The following INPP5D variants were observed in gnomAD, a reference collection of about 807,000 sequenced individuals.
INPP5D encodes the protein inositol polyphosphate-5-phosphatase D.
In INPP5D, 33 loss-of-function variants were observed where a neutral mutation model predicts 122.9. The ratio of observed to expected loss-of-function variants is 0.27; its 90% CI spans 0.20 to 0.36. The LOEUF (loss-of-function observed/expected upper bound fraction) is 0.36. INPP5D is among the 10% of genes least tolerant of loss of function. The pLI is 1.00. For missense variants in INPP5D, 1,053 were observed against 1,412.7 expected, an observed-to-expected ratio of 0.75 and a Z score of 4.08; for synonymous variants, 584 against 576.2, an observed-to-expected ratio of 1.01 and a Z score of -0.19.
chr2:233,204,817 CACGCATGCATATGTGCGTGCATGTGTGA>C lies in INPP5D; in HGVS notation c.3567+111_3567+138del, dbSNP rs1559352008. The C allele has an allele frequency of 6.3e-6, 9 of 1,417,562 alleles. No homozygotes were observed. In the East Asian group the frequency reaches 2.0e-4, roughly 32 times the overall value. 87.8% of individuals were successfully genotyped at this position (1,417,562 alleles called of 1,614,324 possible). On this transcript the variant is annotated intron_variant, in intron 26 of 26. Coordinates refer to ENST00000445964, the MANE Select transcript of INPP5D (RefSeq NM_001017915.3). ...GCATATGTGTGTGCATGTGTGTGTG[CACGCATGCATATGTGCGTGCATGTGTGA>C]ACGCATGCATGTGCACACATGCGAG...
chr2:233,070,466 T>A (rs12620837), intron 1 of INPP5D, among the ~76,000 whole-genome samples: 44,940 of 148,556 alleles, frequency 0.3, 8,827 homozygotes, highest in African/African-American at 0.54. Context: ...TTCGAGATGG[T>A]GTCTCTGTCT....
In INPP5D at chr2:233,203,786, A is replaced by G. The variant is rs563691877; in HGVS notation, c.2976-340A>G. Among the ~76,000 whole-genome samples the G allele has an allele frequency of 2.6e-4, 39 of 152,128 alleles. 1 individual carries two copies. In the South Asian group the frequency reaches 7.5e-3, roughly 29 times the overall value. ...GCCTGGAGGCATTGCTACTCCCAGC[A>G]ATGTCCAGCTACTCCTAGCTACTCC... On this transcript the variant is annotated intron_variant, in intron 25 of 26. Transcript: ENST00000445964.
At chr2:233,132,027 A>G (rs1419046360) in intron 5 of INPP5D, among the ~76,000 whole-genome samples, 1 of 152,240 alleles carries the variant, frequency 6.6e-6, no homozygotes, top group Non-Finnish European at 1.5e-5. Context: ...AATTTCAATG[A>G]ATTGGCTTTC....
At chr2:233,163,099 G>A (rs536730185) in intron 11 of INPP5D, among the ~76,000 whole-genome samples, 1 of 152,328 alleles carries the variant, frequency 6.6e-6, no homozygotes, top group Non-Finnish European at 1.5e-5. Flanking sequence ...CACTTGTAAG[G>A]CAAGAAGCTC....
chr2:233,206,691 G>A lies in INPP5D; in HGVS notation c.3568-15G>A, dbSNP rs3792117. ...GAGAATGAGCCCTGACAGCCCTTCT[G>A]TTCTTGTCCCACAGTGAAGCCCTCA... is the stretch of plus-strand genomic sequence containing the variant. On this transcript the variant is annotated splice_polypyrimidine_tract_variant and intron_variant, in intron 26 of 26. Coordinates refer to ENST00000445964, the MANE Select transcript of INPP5D (RefSeq NM_001017915.3). The surrounding 1 kb of genome is among the most constrained non-coding windows in gnomAD (Gnocchi z 4.0). 44,664 of 772,692 alleles carry A rather than the reference G, an allele frequency of 0.058. 1,561 individuals are homozygous for A. The highest frequency in any genetic ancestry group is 0.15 in the East Asian group (5,989 of 40,832). The allele number at this position is 772,692 out of a possible 1,614,324, so 47.9% of individuals were successfully genotyped here.
intron 4 of INPP5D, among the ~76,000 whole-genome samples, chr2:233,126,252 TAA>T (rs956136704): frequency 1.6e-4 from 24 of 152,228 alleles, no homozygotes; most frequent in Admixed American, 9.2e-4. Context: ...CATGCCTTAG[TAA>T]ATATAACTTT....
At chr2:233,081,609 G>A (rs930436672) in intron 2 of INPP5D, among the ~76,000 whole-genome samples, 1 of 152,136 alleles carries the variant, frequency 6.6e-6, no homozygotes, top group Non-Finnish European at 1.5e-5. Context: ...TGAAATCCGG[G>A]GCCTCATCAG....
At chr2:233,079,431 T>C (rs762445393) in intron 2 of INPP5D, 33 bp downstream of exon 2, 15 of 1,340,638 alleles carry the variant, frequency 1.1e-5, no homozygotes, top group Admixed American at 1.7e-5. Flanking sequence ...AATCTGAACC[T>C]GACTTCAGCC....
At chr2:233,191,684 G>C (rs549469555) in intron 22 of INPP5D, among the ~76,000 whole-genome samples, 1 of 152,306 alleles carries the variant, frequency 6.6e-6, no homozygotes, top group African/African-American at 2.4e-5. Flanking sequence ...AGCAGACTTG[G>C]TGAGCGCAGT....
At chr2:233,180,252 C>CTGGGT (rs1694747797) in intron 18 of INPP5D, among the ~76,000 whole-genome samples, 1 of 152,058 alleles carries the variant, frequency 6.6e-6, no homozygotes, top group South Asian at 2.1e-4. Context: ...GGGAGGAGGA[C>CTGGGT]TGGGTCTTTG....
chr2:233,186,200 T>C (rs970830432), intron 21 of INPP5D, among the ~76,000 whole-genome samples: 1 of 152,180 alleles, frequency 6.6e-6, no homozygotes, highest in African/African-American at 2.4e-5. Flanking sequence ...TCTAACCACA[T>C]GATTTTGCAA....
intron 2 of INPP5D, among the ~76,000 whole-genome samples, chr2:233,101,719 TTA>T (rs1405131593): frequency 5.5e-5 from 8 of 146,010 alleles, no homozygotes; most frequent in Admixed American, 4.2e-4. Context: ...ATAATATATA[TTA>T]TATATAATAT....
intron 2 of INPP5D, among the ~76,000 whole-genome samples, chr2:233,102,710 C>T (rs970251041): frequency 1.2e-4 from 18 of 151,988 alleles, no homozygotes; most frequent in Admixed American, 5.2e-4. Flanking sequence ...ATTAGCTGGA[C>T]GTGGTGGCGG....
rs57378992 is a variant in INPP5D at position 233,121,509 on chromosome 2, CTTTTA to C, written c.199-569_199-565del. ...TAAATGTACTATTTGTATAAAAATA[CTTTTA>C]TTTTATTTTATTTTATTTTATTTTA... On this transcript the variant is annotated intron_variant, in intron 2 of 26. Coordinates refer to ENST00000445964, the MANE Select transcript of INPP5D (RefSeq NM_001017915.3). Among the ~76,000 whole-genome samples, 140 of 147,352 alleles carry C rather than the reference CTTTTA, an allele frequency of 9.5e-4. 1 individual carries two copies. The highest frequency in any genetic ancestry group is 1.8e-3 in the African/African-American group (70 of 39,802).
chr2:233,205,712 G>A (rs1056543522), intron 26 of INPP5D: 2 of 151,952 alleles, frequency 1.3e-5, no homozygotes, highest in Non-Finnish European at 2.9e-5. Flanking sequence ...CCAATATTTT[G>A]GAGAATTCAG....
intron 10 of INPP5D, among the ~76,000 whole-genome samples, chr2:233,159,273 A>G (rs1694135942): frequency 6.6e-6 from 1 of 152,202 alleles, no homozygotes; most frequent in Non-Finnish European, 1.5e-5. Flanking sequence ...CATCTCAGAA[A>G]TTTGAACCAG....
intron 2 of INPP5D, among the ~76,000 whole-genome samples, chr2:233,099,458 A>G (rs1288511629): frequency 1.3e-5 from 2 of 152,232 alleles, no homozygotes; most frequent in African/African-American, 4.8e-5. Flanking sequence ...AACCAACAGC[A>G]CAGACGCCTA....
At chr2:233,068,051 C>T (rs1024415735) in intron 1 of INPP5D, among the ~76,000 whole-genome samples, 2 of 151,608 alleles carry the variant, frequency 1.3e-5, no homozygotes, top group South Asian at 4.2e-4. Flanking sequence ...TTTGGGAGGC[C>T]GAGGTGGGTG....
intron 5 of INPP5D, among the ~76,000 whole-genome samples, chr2:233,132,885 ATTT>A (rs35276718): frequency 1.4e-4 from 17 of 117,978 alleles, no homozygotes; most frequent in Non-Finnish European, 1.9e-4. Context: ...ATGAACAAGA[ATTT>A]TTTTTTTTTT....
Sources: gnomAD v4.1 joint callset for allele counts (sites outside exome capture counted in the v4.1 genomes callset) on GRCh38, gnomAD v4.1.1 for gene constraint, Gnocchi (gnomAD v3.1) non-coding constraint, MANE v1.5 for transcripts, NCBI Gene and HGNC (gene_info 2026-07-23, HGNC 2026-07-21) for gene names.